SCEL: variants seen among roughly 807,000 people sequenced by gnomAD.
The protein encoded by SCEL is sciellin.
SCEL carries 113 observed loss-of-function variants against 117.6 expected under a neutral mutation model. The ratio of observed to expected loss-of-function variants is 0.96; its 90% CI spans 0.83 to 1.12. The LOEUF (loss-of-function observed/expected upper bound fraction) is 1.12. Among genes scored for constraint, SCEL ranks in the 50% most tolerant of loss-of-function variants. SCEL has a pLI of 0.00. For synonymous variants in SCEL, 270 were observed against 256.2 expected, an observed-to-expected ratio of 1.05 and a Z score of -0.51; for missense variants, 785 against 810.8, an observed-to-expected ratio of 0.97 and a Z score of 0.39.
chr13:77,626,241 C>A (rs565640147), intron 27 of SCEL, among the ~76,000 whole-genome samples: 1 of 152,108 alleles, frequency 6.6e-6, no homozygotes, highest in Non-Finnish European at 1.5e-5. Context: ...AGGACTTGTT[C>A]ACTACCACAG....
intron 10 of SCEL, among the ~76,000 whole-genome samples, chr13:77,589,619 A>C (rs2086758587): frequency 6.6e-6 from 1 of 152,166 alleles, no homozygotes; most frequent in African/African-American, 2.4e-5. Context: ...TTCCAAGTTA[A>C]GTTTCCCACT....
intron 15 of SCEL, among the ~76,000 whole-genome samples, chr13:77,600,468 T>C (rs1043298793): frequency 1.1e-4 from 17 of 152,146 alleles, no homozygotes; most frequent in African/African-American, 3.6e-4. Flanking sequence ...CACTTCTCAG[T>C]TGGAATCTTA....
chr13:77,552,103 A>C (rs1184788912), intron 1 of SCEL, among the ~76,000 whole-genome samples: 1 of 152,016 alleles, frequency 6.6e-6, no homozygotes, highest in Admixed American at 6.5e-5. Flanking sequence ...ATTGTTGGAC[A>C]TTTGGGTTGG....
intron 29 of SCEL, among the ~76,000 whole-genome samples, chr13:77,635,335 G>C (rs1165078536): frequency 6.6e-6 from 1 of 152,142 alleles, no homozygotes; most frequent in Non-Finnish European, 1.5e-5. Context: ...AAACACTTCA[G>C]AGTAAATTTT....
At chr13:77,559,751 G>A (rs2154396233) in intron 3 of SCEL, 53 bp from the exon 4 acceptor site, 1 of 1,520,726 alleles carries the variant, frequency 6.6e-7, no homozygotes, top group Non-Finnish European at 9.1e-7. Flanking sequence ...TTTAGTGCTT[G>A]GTCAACATTG....
At chr13:77,610,723 A>G (rs1244007336) in intron 22 of SCEL, among the ~76,000 whole-genome samples, 1 of 152,170 alleles carries the variant, frequency 6.6e-6, no homozygotes, top group East Asian at 1.9e-4. Flanking sequence ...AAGTAGCCTA[A>G]AGAAAGGTCT....
chr13:77,556,490 A>G (rs1371471107), intron 2 of SCEL, 106 bp from the exon 3 acceptor site: 1 of 892,506 alleles, frequency 1.1e-6, no homozygotes, highest in African/African-American at 1.6e-5. Context: ...GCCAGCCCAG[A>G]TTGATGCTGG....
At chr13:77,628,926 A>C (rs879375302) in intron 28 of SCEL, among the ~76,000 whole-genome samples, 1 of 152,180 alleles carries the variant, frequency 6.6e-6, no homozygotes, top group African/African-American at 2.4e-5. Context: ...ATAAATTTTC[A>C]GTAGAATCTG....
At chr13:77,628,054 G>A (rs770571696) in intron 28 of SCEL, 45 bp downstream of exon 28, 2 of 725,002 alleles carry the variant, frequency 2.8e-6, no homozygotes, top group Admixed American at 4.9e-5. Flanking sequence ...AGTTCTATAT[G>A]CATCTGCATA....
intron 9 of SCEL, among the ~76,000 whole-genome samples, chr13:77,582,341 C>T (rs1167519049): frequency 1.3e-5 from 2 of 152,072 alleles, no homozygotes; most frequent in African/African-American, 4.8e-5. Context: ...ATTCTCATGC[C>T]TCAGCCTCCT....
Position 77,568,337 on chromosome 13 carries a change from T to G in SCEL, c.398+4T>G. On this transcript the variant is annotated splice_donor_region_variant and intron_variant, in intron 7 of 32. Coordinates refer to ENST00000349847, the MANE Select transcript of SCEL (RefSeq NM_144777.3). Reference sequence around the variant, plus strand: ...GATCACTGGAAGTAACAAAGTTGTATGTATTCTTTCTAATTGTAGTATATT... The same window carrying G: ...GATCACTGGAAGTAACAAAGTTGTAGGTATTCTTTCTAATTGTAGTATATT... 1 of 1,543,588 alleles carries G rather than the reference T, an allele frequency of 6.5e-7. No homozygotes were observed. The highest frequency in any genetic ancestry group is 8.9e-7 in the Non-Finnish European group (1 of 1,122,110).
chr13:77,563,664 C>A (rs868531728), intron 4 of SCEL, among the ~76,000 whole-genome samples, 167 bp from the exon 5 acceptor site: 2 of 152,122 alleles, frequency 1.3e-5, no homozygotes, highest in Non-Finnish European at 2.9e-5. Flanking sequence ...ATAATTTATT[C>A]TATCCAAGTT....
intron 22 of SCEL, among the ~76,000 whole-genome samples, chr13:77,610,456 A>C (rs1003131802): frequency 6.6e-6 from 1 of 151,736 alleles, no homozygotes; most frequent in Non-Finnish European, 1.5e-5. Flanking sequence ...CGTCAAAAAA[A>C]AAAAAAAAAA....
intron 27 of SCEL, 25 bp from the exon 28 acceptor site, chr13:77,627,922 C>T (rs1433446459): frequency 2.1e-6 from 2 of 962,000 alleles, no homozygotes; most frequent in Non-Finnish European, 3.1e-6. Flanking sequence ...TGTAATTATT[C>T]ATATATATAT....
intron 1 of SCEL, among the ~76,000 whole-genome samples, chr13:77,539,446 T>G (rs899221185): frequency 6.6e-6 from 1 of 152,042 alleles, no homozygotes; most frequent in African/African-American, 2.4e-5. Context: ...AAAGCGGACC[T>G]TAAATGTCAG....
At position 77,535,819 on chromosome 13, in the gene SCEL, A is replaced by G. The variant is rs1182919923; in HGVS notation, c.-25A>G. The G allele has an allele frequency of 6.6e-6, 1 of 152,256 alleles. No individual in the cohort carries two copies. Among genetic ancestry groups the G allele is most frequent in the East Asian group, 1.9e-4 (1 of 5,196 alleles). The allele number at this position is 152,256 out of a possible 1,614,324, so 9.4% of individuals were successfully genotyped here. A position where few individuals can be genotyped will look rare whatever the true frequency, so the allele number is the denominator to read the frequency against. Reference sequence around the variant, plus strand: ...CCAAAAAGTCCTGATTTTCTGCTCAATAGAGGTAAGTTGAATTATACTTGC... The same window carrying G: ...CCAAAAAGTCCTGATTTTCTGCTCAGTAGAGGTAAGTTGAATTATACTTGC... On this transcript the variant is annotated 5_prime_UTR_variant, in exon 1 of 33. Transcript: ENST00000349847.
chr13:77,624,599 G>T (rs957297686), intron 27 of SCEL, among the ~76,000 whole-genome samples: 1 of 152,122 alleles, frequency 6.6e-6, no homozygotes, highest in Admixed American at 6.6e-5. Context: ...GTTCAACCCA[G>T]AACAAGCTCC....
At chr13:77,593,298 CT>C (rs1470812029) in intron 11 of SCEL, among the ~76,000 whole-genome samples, 18 of 73,664 alleles carry the variant, frequency 2.4e-4, no homozygotes, top group East Asian at 5.4e-4. Flanking sequence ...GTGTGTGTGT[CT>C]GTGTGTGTGT....
intron 22 of SCEL, among the ~76,000 whole-genome samples, chr13:77,612,672 C>T (rs1220196656): frequency 2.7e-5 from 4 of 150,520 alleles, no homozygotes; most frequent in South Asian, 4.2e-4. Flanking sequence ...TTGAGGTTAA[C>T]GTGAAAGAAA....
Sources: gnomAD v4.1 joint callset for allele counts (sites outside exome capture counted in the v4.1 genomes callset) on GRCh38, gnomAD v4.1.1 for gene constraint, MANE v1.5 for transcripts, NCBI Gene and HGNC (gene_info 2026-07-23, HGNC 2026-07-21) for gene names.